Variants in NAV2 observed in about 807,000 individuals in gnomAD.
NAV2 encodes helicase, APC down-regulated 1.
NAV2 carries 54 observed loss-of-function variants against 223.2 expected under a neutral mutation model. The observed-to-expected ratio is 0.24, with a 90% CI of 0.19 to 0.30. The LOEUF (loss-of-function observed/expected upper bound fraction) is 0.30, where lower values mean the gene tolerates loss of function less well. NAV2 is among the 10% of genes least tolerant of loss of function. The probability of loss-of-function intolerance (pLI) is 1.00; values close to 1 mark genes in which losing one functional copy is unlikely to be tolerated. For missense variants in NAV2, 2,806 were observed against 3,147.5 expected (o/e 0.89, Z 2.60); for synonymous variants, 1,279 against 1,239.3 (o/e 1.03, Z -0.67).
chr11:19,685,118 A>T (rs1455649783), intron 1 of NAV2, among the ~76,000 whole-genome samples: 1 of 152,050 alleles, frequency 6.6e-6, no homozygotes, highest in Non-Finnish European at 1.5e-5. Flanking sequence ...CCATGATCCC[A>T]CCCTGGGCCA....
At chr11:19,598,133 G>A (rs770744969) in intron 1 of NAV2, among the ~76,000 whole-genome samples, 3 of 152,254 alleles carry the variant, frequency 2.0e-5, no homozygotes, top group Non-Finnish European at 2.9e-5. Flanking sequence ...AGATGGAAGA[G>A]CGGCTTTTGG....
chr11:20,094,543 A>C (rs185050032), intron 29 of NAV2, among the ~76,000 whole-genome samples: 6 of 152,236 alleles, frequency 3.9e-5, no homozygotes, highest in African/African-American at 1.4e-4. Flanking sequence ...ACTCATTCTT[A>C]CAGTAAATGC....
At chr11:19,930,129 C>A (rs1300890938) in intron 6 of NAV2, among the ~76,000 whole-genome samples, 1 of 152,088 alleles carries the variant, frequency 6.6e-6, no homozygotes, top group Non-Finnish European at 1.5e-5. Context: ...CCTCCAAAAT[C>A]ATTCTATGGA....
chr11:19,809,555 C>A lies in NAV2; in HGVS notation c.268-22929C>A, dbSNP rs533796600. 5.5e-4 allele frequency among the ~76,000 whole-genome samples: 84 copies of A among 152,270 alleles called. 1 individual carries two copies. The highest frequency in any genetic ancestry group is 2.0e-3 in the African/African-American group (83 of 41,562). ...CATATTAGTTAGTGAACCCATGAAC[C>A]CACACTGAAATATTATCAACTAAAG... On this transcript the variant is annotated intron_variant, in intron 1 of 37. Coordinates refer to ENST00000349880, the MANE Select transcript of NAV2 (RefSeq NM_145117.5).
At position 19,933,792 on chromosome 11, in the gene NAV2, CAAG is replaced by C; in HGVS notation, c.1549_1551del (p.Lys517del). The stretch of plus-strand genomic sequence containing the variant: ...CCTCTGTGACGGAGAGGCTGGACCT[CAAG>C]GAGGAGCCAAAAGAAGACCCCAGTG... On this transcript the variant is annotated inframe_deletion, in exon 7 of 38. Coordinates refer to ENST00000349880, the MANE Select transcript of NAV2 (RefSeq NM_145117.5). This position sits in a 1 kb window ranked among gnomAD's most constrained non-coding sequence, Gnocchi z 4.3. The C allele has an allele frequency of 6.2e-7, 1 of 1,614,112 alleles. No homozygotes were observed. Among genetic ancestry groups the C allele is most frequent in the East Asian group, 2.2e-5 (1 of 44,876 alleles).
At chr11:19,667,615 T>A (rs964485993) in intron 1 of NAV2, among the ~76,000 whole-genome samples, 2 of 152,144 alleles carry the variant, frequency 1.3e-5, no homozygotes, top group South Asian at 2.1e-4. Context: ...AGGTGCTTAT[T>A]AGGAGCTTGT....
chr11:19,523,431 C>G (rs1337727853), intron 1 of NAV2, among the ~76,000 whole-genome samples: 1 of 152,192 alleles, frequency 6.6e-6, no homozygotes, highest in African/African-American at 2.4e-5. Flanking sequence ...GTTTCCCTAC[C>G]TGGAAAATGG....
chr11:19,727,616 T>C lies in NAV2; in HGVS notation c.267+13654T>C, dbSNP rs151335208. On this transcript the variant is annotated intron_variant, in intron 1 of 37. Coordinates refer to ENST00000349880, the MANE Select transcript of NAV2 (RefSeq NM_145117.5). Reference sequence around the variant, plus strand: ...AATCACCCTGCAATTGTGCATTGATTTGGGGAAAGCCCATTGATAAGAGTA... The same window carrying C: ...AATCACCCTGCAATTGTGCATTGATCTGGGGAAAGCCCATTGATAAGAGTA... Among the ~76,000 whole-genome samples, 399 of 152,372 alleles carry C rather than the reference T, an allele frequency of 2.6e-3. 3 individuals carry two copies. Among genetic ancestry groups the C allele is most frequent in the African/African-American group, 9.1e-3 (379 of 41,586 alleles).
chr11:19,411,579 G>T (rs567654760), intron 1 of NAV2, among the ~76,000 whole-genome samples: 1 of 152,168 alleles, frequency 6.6e-6, no homozygotes, highest in Non-Finnish European at 1.5e-5. Context: ...CCCTGAGAAT[G>T]TTCTAAGGGA....
chr11:19,562,326 G>A (rs1217302491), intron 1 of NAV2, among the ~76,000 whole-genome samples: 4 of 152,138 alleles, frequency 2.6e-5, no homozygotes, highest in Admixed American at 6.5e-5. Context: ...GGGCAAATCC[G>A]CTCTCAGAGG....
chr11:19,507,949 T>G (rs1272750561), intron 1 of NAV2, among the ~76,000 whole-genome samples: 1 of 152,156 alleles, frequency 6.6e-6, no homozygotes, highest in Non-Finnish European at 1.5e-5. Flanking sequence ...AGCCCAGGCT[T>G]TTAACCCTTA....
At chr11:19,700,625 A>G (rs746671733) in intron 1 of NAV2, among the ~76,000 whole-genome samples, 4 of 152,206 alleles carry the variant, frequency 2.6e-5, no homozygotes, top group Non-Finnish European at 4.4e-5. Context: ...TTTACCCCTC[A>G]ATGCCCAGAC....
intron 1 of NAV2, among the ~76,000 whole-genome samples, chr11:19,630,922 C>CAAAAAA (rs10642100): frequency 4.0e-5 from 4 of 100,148 alleles, no homozygotes; most frequent in African/African-American, 1.7e-4. Flanking sequence ...GGTCCTGTTG[C>CAAAAAA]AAAAAAAAAA....
intron 11 of NAV2, among the ~76,000 whole-genome samples, chr11:20,015,938 TGTC>T: frequency 6.6e-6 from 1 of 152,190 alleles, no homozygotes; most frequent in African/African-American, 2.4e-5. Context: ...TCTAATGCCG[TGTC>T]ACGGAAATCA....
At chr11:19,406,072 G>T (rs920154435) in intron 1 of NAV2, among the ~76,000 whole-genome samples, 9 of 152,140 alleles carry the variant, frequency 5.9e-5, no homozygotes, top group Non-Finnish European at 1.2e-4. Context: ...GAGCTATGAG[G>T]TGCCTGGTAG....
At chr11:19,892,664 G>A (rs2041602120) in intron 6 of NAV2, 70 bp downstream of exon 6, 3 of 1,528,064 alleles carry the variant, frequency 2.0e-6, no homozygotes, top group Non-Finnish European at 1.8e-6. Context: ...TCCTTCGGGT[G>A]AATTGGGTTG....
chr11:19,589,205 A>G (rs1186807924), intron 1 of NAV2, among the ~76,000 whole-genome samples: 1 of 152,212 alleles, frequency 6.6e-6, no homozygotes, highest in East Asian at 1.9e-4. Context: ...CAATTTAATG[A>G]CAGAATTTCA....
Position 20,027,350 on chromosome 11 carries a change from C to A in NAV2, c.2769-8609C>A, listed in dbSNP as rs961160812. The stretch of plus-strand genomic sequence containing the variant: ...ATTGCCTTGAACAATAGCCAGAAAA[C>A]GAGTTCCACCAGTCTGGACTTTTTT... On this transcript the variant is annotated intron_variant, in intron 11 of 37. Transcript: ENST00000349880. 3 of 985,310 alleles carry A rather than the reference C, an allele frequency of 3.0e-6. No homozygotes were observed. The African/African-American group carries it at 5.2e-5, about 17-fold the overall frequency. 61.0% of individuals were successfully genotyped at this position (985,310 alleles called of 1,614,324 possible). A position where few individuals can be genotyped will look rare whatever the true frequency, so the allele number is the denominator to read the frequency against.
intron 1 of NAV2, among the ~76,000 whole-genome samples, chr11:19,667,922 G>T (rs1387228220): frequency 6.6e-6 from 1 of 152,102 alleles, no homozygotes; most frequent in African/African-American, 2.4e-5. Flanking sequence ...ACATCTCAAG[G>T]TGTTTGTTTC....
Sources: gnomAD v4.1 joint callset for allele counts (sites outside exome capture counted in the v4.1 genomes callset) on GRCh38, gnomAD v4.1.1 for gene constraint, Gnocchi (gnomAD v3.1) non-coding constraint, MANE v1.5 for transcripts, NCBI Gene and HGNC (gene_info 2026-07-23, HGNC 2026-07-21) for gene names.